Variants in SCLY observed in about 807,000 individuals in gnomAD.
SCLY encodes the protein putative selenocysteine lyase.
A neutral mutation model predicts 50.1 loss-of-function variants in SCLY; 38 were observed. That is an observed-to-expected ratio of 0.76 (90% CI 0.59 to 0.99). The LOEUF is 0.99. Among genes scored for constraint, SCLY ranks in the 50% least tolerant of loss-of-function variants. SCLY has a pLI of 0.00. For missense variants in SCLY, 600 were observed against 620.0 expected, an observed-to-expected ratio of 0.97 and a Z score of 0.34; for synonymous variants, 243 against 249.4, an observed-to-expected ratio of 0.97 and a Z score of 0.24.
At chr2:238,091,548 A>G in intron 8 of SCLY, 11 of 327,482 alleles carry the variant, frequency 3.4e-5, no homozygotes, top group Admixed American at 1.4e-4. Context: ...CTGCAGGTTC[A>G]CCATTCCCAA....
intron 4 of SCLY, among the ~76,000 whole-genome samples, chr2:238,072,178 A>T: frequency 6.6e-6 from 1 of 152,038 alleles, no homozygotes; most frequent in East Asian, 1.9e-4. Flanking sequence ...TCTTCCATTT[A>T]ACATAATGTT....
At chr2:238,082,314 G>A in intron 6 of SCLY, 105 bp downstream of exon 6, 1 of 1,207,054 alleles carries the variant, frequency 8.3e-7, no homozygotes, top group South Asian at 1.5e-5. Flanking sequence ...GCCAGGCCTT[G>A]GGGGCACTGC....
intron 4 of SCLY, 134 bp from the exon 5 acceptor site, chr2:238,081,572 ATTC>A (rs964214958): frequency 1.6e-6 from 2 of 1,252,124 alleles, no homozygotes; most frequent in African/African-American, 3.0e-5. Flanking sequence ...GGCGGCTTAT[ATTC>A]TTCTTTATAG....
intron 3 of SCLY, among the ~76,000 whole-genome samples, chr2:238,068,773 G>A (rs2065100050): frequency 6.6e-6 from 1 of 152,232 alleles, no homozygotes; most frequent in Non-Finnish European, 1.5e-5. Context: ...ACTTTCCAAG[G>A]TTTTGCTGTA....
intron 1 of SCLY, 105 bp from the exon 2 acceptor site, chr2:238,064,252 C>A: frequency 3.3e-6 from 2 of 609,670 alleles, no homozygotes; most frequent in Admixed American, 3.4e-5. Flanking sequence ...ATCACCATGC[C>A]CTTGACATTA....
chr2:238,089,896 C>T (rs1202348335), intron 7 of SCLY, among the ~76,000 whole-genome samples: 1 of 152,034 alleles, frequency 6.6e-6, no homozygotes, highest in Non-Finnish European at 1.5e-5. Context: ...CCAAAAGCAT[C>T]CATAAAAGGA....
At chr2:238,094,318 G>T in intron 9 of SCLY, 102 bp from the exon 10 acceptor site, 1 of 942,034 alleles carries the variant, frequency 1.1e-6, no homozygotes, top group African/African-American at 1.6e-5. Context: ...TGAAAAGTAT[G>T]CACCTGCTGA....
chr2:238,091,519 G>C, intron 8 of SCLY: 1 of 449,656 alleles, frequency 2.2e-6, no homozygotes, highest in Non-Finnish European at 4.1e-6. Context: ...TACTGTTACA[G>C]CAGAGGTGAA....
intron 4 of SCLY, chr2:238,081,450 C>G: frequency 2.4e-6 from 1 of 423,916 alleles, no homozygotes; most frequent in Admixed American, 4.1e-5. Context: ...CTTCCGTCTC[C>G]GTAGAAGCAG....
At chr2:238,076,206 C>G (rs2065172582) in intron 4 of SCLY, among the ~76,000 whole-genome samples, 1 of 151,912 alleles carries the variant, frequency 6.6e-6, no homozygotes, top group African/African-American at 2.4e-5. Context: ...GTTCTTGTGC[C>G]TCAACCTCCC....
intron 4 of SCLY, chr2:238,080,201 T>G (rs2065221519): frequency 6.6e-6 from 1 of 152,068 alleles, no homozygotes; most frequent in Non-Finnish European, 1.5e-5. Context: ...ATACTTTTCT[T>G]TATCTCTTTA....
At chr2:238,091,184 TG>T (rs2065357795) in intron 7 of SCLY, 33 bp from the exon 8 acceptor site, 1 of 1,584,900 alleles carries the variant, frequency 6.3e-7, no homozygotes, top group Non-Finnish European at 8.7e-7. Context: ...CTGAGACATT[TG>T]TTTATTCTTG....
intron 2 of SCLY, among the ~76,000 whole-genome samples, chr2:238,065,969 A>T (rs191370546): frequency 2.1e-4 from 32 of 152,234 alleles, no homozygotes; most frequent in African/African-American, 7.5e-4. Flanking sequence ...CACCATGCCC[A>T]GCCTAAATAT....
Position 238,098,593 on chromosome 2 carries a change from G to GCCCACATGGGAACGCCCACATAGA in SCLY, c.*238_*239insCCCACATGGGAACGCCCACATAGA, listed in dbSNP as rs1691311941. 1 of 320,376 alleles carries GCCCACATGGGAACGCCCACATAGA rather than the reference G, an allele frequency of 3.1e-6. No homozygotes were observed. The highest frequency in any genetic ancestry group is 4.0e-5 in the African/African-American group (1 of 25,014). The allele number at this position is 320,376 out of a possible 1,614,324, so 19.8% of individuals were successfully genotyped here. A position where few individuals can be genotyped will look rare whatever the true frequency, so the allele number is the denominator to read the frequency against. On this transcript the variant is annotated 3_prime_UTR_variant, in exon 12 of 12. Coordinates refer to ENST00000254663, the MANE Select transcript of SCLY (RefSeq NM_016510.7). ...TGCCCACATGGGACCGCCCACATAG[G>GCCCACATGGGAACGCCCACATAGA]ACCGCCCACATAGGACCGCCCACAT...
chr2:238,091,126 T>A (rs543968100), intron 7 of SCLY, 92 bp from the exon 8 acceptor site: 2 of 1,193,780 alleles, frequency 1.7e-6, no homozygotes, highest in African/African-American at 3.0e-5. Flanking sequence ...GTAGCGTGAG[T>A]TTGATTTTAT....
Position 238,098,454 on chromosome 2 carries a change from T to C in SCLY, c.*99T>C. The C allele has an allele frequency of 7.6e-7, 1 of 1,309,968 alleles. No homozygotes were observed. The highest frequency in any genetic ancestry group is 1.0e-6 in the Non-Finnish European group (1 of 977,048). The allele number at this position is 1,309,968 out of a possible 1,614,324, so 81.1% of individuals were successfully genotyped here. On this transcript the variant is annotated 3_prime_UTR_variant, in exon 12 of 12. Transcript: ENST00000254663. ...CCTGAGGGCTGTGCCAGGATGACTG[T>C]CTCATGCCCCCTCTGCATTTTGTCC...
chr2:238,062,500 C>T (rs2065027705), intron 1 of SCLY, among the ~76,000 whole-genome samples: 1 of 152,098 alleles, frequency 6.6e-6, no homozygotes, highest in Non-Finnish European at 1.5e-5. Flanking sequence ...ACATCCACTG[C>T]CCGGGTTCAA....
chr2:238,097,353 G>C, intron 11 of SCLY, among the ~76,000 whole-genome samples: 1 of 150,252 alleles, frequency 6.7e-6, no homozygotes, highest in Non-Finnish European at 1.5e-5. Context: ...GGCGGAGACT[G>C]TGGGGTAGAG....
intron 7 of SCLY, among the ~76,000 whole-genome samples, chr2:238,085,795 C>T (rs1325379266): frequency 6.6e-6 from 1 of 152,226 alleles, no homozygotes; most frequent in Non-Finnish European, 1.5e-5. Flanking sequence ...ATATAACATT[C>T]GTTTCATTGA....
Sources: gnomAD v4.1 joint callset for allele counts (sites outside exome capture counted in the v4.1 genomes callset) on GRCh38, gnomAD v4.1.1 for gene constraint, MANE v1.5 for transcripts, NCBI Gene and HGNC (gene_info 2026-07-23, HGNC 2026-07-21) for gene names.